The following TBXAS1 variants were observed in gnomAD, a reference collection of about 807,000 sequenced individuals.
The protein encoded by TBXAS1 is thromboxane A synthase 1, also known as thromboxane-A synthase.
Under a neutral mutation model 60.7 loss-of-function variants are expected in TBXAS1, and 48 were observed. The ratio of observed to expected loss-of-function variants is 0.79; its 90% CI spans 0.63 to 1.01. The LOEUF (loss-of-function observed/expected upper bound fraction) is 1.01, where lower values mean the gene tolerates loss of function less well. Among genes scored for constraint, TBXAS1 ranks in the 50% least tolerant of loss-of-function variants. The pLI is 0.00. For synonymous variants in TBXAS1, 287 were observed against 269.7 expected (o/e 1.06, Z -0.63); for missense variants, 685 against 686.3 (o/e 1.00, Z 0.02).
rs1160530036 is a variant in TBXAS1 at position 139,829,264 on chromosome 7, AC to A, written c.-126del. ...GAGAAAGAGCACATTGTGGGGGCCCACTCCATGTGATGTTTGCTTGGTTGCC... is the reference window on the plus strand; with the variant it reads ...GAGAAAGAGCACATTGTGGGGGCCCATCCATGTGATGTTTGCTTGGTTGCC... On this transcript the variant is annotated 5_prime_UTR_variant, in exon 1 of 13. Coordinates refer to ENST00000448866, the MANE Select transcript of TBXAS1 (RefSeq NM_001061.7). The A allele has an allele frequency of 2.5e-6, 2 of 811,818 alleles. No homozygotes were observed. Among genetic ancestry groups the A allele is most frequent in the African/African-American group, 3.4e-5 (2 of 59,054 alleles). The allele number at this position is 811,818 out of a possible 1,614,324, so 50.3% of individuals were successfully genotyped here. A position where few individuals can be genotyped will look rare whatever the true frequency, so the allele number is the denominator to read the frequency against.
chr7:139,848,037 T>C (rs1585622190), intron 1 of TBXAS1, among the ~76,000 whole-genome samples: 1 of 152,070 alleles, frequency 6.6e-6, no homozygotes. Flanking sequence ...CCCAGGCTGG[T>C]CTCAAGCTCT....
chr7:139,927,938 T>C (rs574750718), intron 4 of TBXAS1, among the ~76,000 whole-genome samples: 1 of 152,210 alleles, frequency 6.6e-6, no homozygotes, highest in Non-Finnish European at 1.5e-5. Context: ...TAGACAATCA[T>C]GCCATCTACA....
chr7:139,792,738 C>T (rs1797425794), intron 4 of TBXAS1, among the ~76,000 whole-genome samples: 1 of 152,150 alleles, frequency 6.6e-6, no homozygotes, highest in African/African-American at 2.4e-5. Context: ...TCCAAGTCAA[C>T]CCTACTACAT....
intron 4 of TBXAS1, among the ~76,000 whole-genome samples, chr7:139,821,761 G>C (rs1255195609): frequency 1.3e-5 from 2 of 152,232 alleles, no homozygotes; most frequent in African/African-American, 4.8e-5. Context: ...GCCGAAGAGA[G>C]GGAGGGGGAC....
At position 139,784,642 on chromosome 7, in the gene TBXAS1, A is replaced by G. The variant is rs747489408; in HGVS notation, c.-169+1913A>G. 8.4e-4 allele frequency among the ~76,000 whole-genome samples: 128 copies of G among 152,364 alleles called. 1 individual carries two copies. The highest frequency in any genetic ancestry group is 3.4e-3 in the Middle Eastern group (1 of 294). On this transcript the variant is annotated intron_variant, in intron 3 of 16. Transcript: ENST00000336425. ...ATAATATTGCTAAACATGCAAAGCAAGGCCGAGACAGTGGTCAGGAATGAC... is the reference window on the plus strand; with the variant it reads ...ATAATATTGCTAAACATGCAAAGCAGGGCCGAGACAGTGGTCAGGAATGAC...
At chr7:139,978,855 T>G (rs1811759809) in intron 9 of TBXAS1, among the ~76,000 whole-genome samples, 1 of 150,836 alleles carries the variant, frequency 6.6e-6, no homozygotes, top group African/African-American at 2.4e-5. Context: ...CTCAGGAGGC[T>G]GAGGTGGGAG....
intron 9 of TBXAS1, among the ~76,000 whole-genome samples, chr7:140,002,985 G>A (rs191082063): frequency 7.0e-4 from 106 of 151,824 alleles, no homozygotes; most frequent in African/African-American, 1.9e-3. Context: ...TTAGCCGGGC[G>A]TGGTGGTGGG....
intron 3 of TBXAS1, among the ~76,000 whole-genome samples, chr7:139,910,321 A>G (rs1396835103): frequency 6.6e-6 from 1 of 152,084 alleles, no homozygotes; most frequent in African/African-American, 2.4e-5. Flanking sequence ...CCTTTCATCC[A>G]TATTTTCATT....
intron 1 of TBXAS1, among the ~76,000 whole-genome samples, chr7:139,833,283 G>C (rs1409128794): frequency 6.6e-6 from 1 of 152,142 alleles, no homozygotes; most frequent in East Asian, 1.9e-4. Context: ...TAAACTTAAA[G>C]GGGTAGAAAA....
intron 5 of TBXAS1, among the ~76,000 whole-genome samples, chr7:139,942,448 C>T (rs897667239): frequency 6.6e-5 from 10 of 152,198 alleles, no homozygotes; most frequent in African/African-American, 2.4e-4. Context: ...CAGGTAGCTT[C>T]CATGAAGAAC....
chr7:139,959,935 G>A (rs1337778710), intron 8 of TBXAS1, among the ~76,000 whole-genome samples: 1 of 152,192 alleles, frequency 6.6e-6, no homozygotes, highest in African/African-American at 2.4e-5. Flanking sequence ...CTCCATGGGA[G>A]CAGGGCCAGC....
intron 4 of TBXAS1, among the ~76,000 whole-genome samples, chr7:139,930,349 C>T (rs547177865): frequency 6.6e-6 from 1 of 152,308 alleles, no homozygotes; most frequent in African/African-American, 2.4e-5. Context: ...GCACCTAAAT[C>T]ATGGCCTAGC....
rs75072652 is a variant in TBXAS1 at position 139,829,981 on chromosome 7, A to G, written c.89+502A>G. Among the ~76,000 whole-genome samples, 237 of 152,244 alleles carry G rather than the reference A, an allele frequency of 1.6e-3. 2 individuals are homozygous for G. The East Asian group carries it at 0.029, about 19-fold the overall frequency. ...GGGTTAAGGACAAAGTGGTAGATCT[A>G]ATTTCTCATAGTTGATAGAGGGAGA... On this transcript the variant is annotated intron_variant, in intron 1 of 12. Transcript: ENST00000448866.
intron 5 of TBXAS1, chr7:139,952,545 T>C: frequency 6.5e-7 from 1 of 1,536,590 alleles, no homozygotes; most frequent in Non-Finnish European, 8.7e-7. Flanking sequence ...TGCTCGATAT[T>C]TTCAGCTTGG....
chr7:139,779,855 C>T (rs1275379649), intron 1 of TBXAS1, among the ~76,000 whole-genome samples: 1 of 152,182 alleles, frequency 6.6e-6, no homozygotes, highest in Non-Finnish European at 1.5e-5. Context: ...AACTGGTTTA[C>T]TTGTAGCCCA....
Position 139,957,726 on chromosome 7 carries a change from A to C in TBXAS1, c.781A>C (p.Asn261His). 1 of 1,614,114 alleles carries C rather than the reference A, an allele frequency of 6.2e-7. No homozygotes were observed. Among genetic ancestry groups the C allele is most frequent in the Non-Finnish European group, 8.5e-7 (1 of 1,180,022 alleles). ...LNGFFNKLIR[N>H]VIALRDQQAA... The stretch of plus-strand genomic sequence containing the variant: ...TGGCTTTTTTAACAAACTCATTAGG[A>C]ATGTGATTGCCTTGCGGGACCAGCA... Residue 261 changes from asparagine (N) to histidine (H), a missense_variant, in exon 8 of 13, where the codon AAT becomes CAT. Asn to His is a moderately conservative substitution (Grantham distance 68). Coordinates refer to ENST00000448866, the MANE Select transcript of TBXAS1 (RefSeq NM_001061.7).
rs1386322186 is a variant in TBXAS1 at position 140,020,177 on chromosome 7, A to G, written c.*78A>G. On this transcript the variant is annotated 3_prime_UTR_variant, in exon 13 of 13. Coordinates refer to ENST00000448866, the MANE Select transcript of TBXAS1 (RefSeq NM_001061.7). ...TAAGTGTGGATGTTCAGAATTTTGG[A>G]AAAATGTCACTGAAGTGATTGAAAG... The G allele has an allele frequency of 2.8e-6, 4 of 1,415,852 alleles. No individual in the cohort carries two copies. The highest frequency in any genetic ancestry group is 4.6e-5 in the East Asian group (2 of 43,860). The allele number at this position is 1,415,852 out of a possible 1,614,324, so 87.7% of individuals were successfully genotyped here. A position where few individuals can be genotyped will look rare whatever the true frequency, so the allele number is the denominator to read the frequency against.
rs192111776 is a variant in TBXAS1, at chr7:139,900,295, T to C, written c.237-10930T>C. On this transcript the variant is annotated intron_variant, in intron 3 of 12. Coordinates refer to ENST00000448866, the MANE Select transcript of TBXAS1 (RefSeq NM_001061.7). ...AGTTTTCACTCCCATATTTCAGCCA[T>C]GGCCCAGAGAGTTTCAGAAATTTGC... Among the ~76,000 whole-genome samples the C allele has an allele frequency of 2.2e-3, 333 of 152,344 alleles. 2 individuals carry two copies. Among genetic ancestry groups the C allele is most frequent in the African/African-American group, 7.8e-3 (323 of 41,582 alleles).
chr7:139,857,260 G>A (rs986595441), intron 1 of TBXAS1, among the ~76,000 whole-genome samples: 2 of 152,290 alleles, frequency 1.3e-5, no homozygotes, highest in East Asian at 1.9e-4. Flanking sequence ...CCAGATACAA[G>A]AGGCTGCTTT....
Sources: gnomAD v4.1 joint callset for allele counts (sites outside exome capture counted in the v4.1 genomes callset) on GRCh38, gnomAD v4.1.1 for gene constraint, MANE v1.5 for transcripts, NCBI Gene and HGNC (gene_info 2026-07-23, HGNC 2026-07-21) for gene names.